Variants in CNTN1 observed in about 807,000 individuals in gnomAD.
CNTN1 encodes contactin-1.
A neutral mutation model predicts 126.4 loss-of-function variants in CNTN1; 38 were observed. That is an observed-to-expected ratio of 0.30 (90% CI 0.23 to 0.39). The LOEUF (loss-of-function observed/expected upper bound fraction) is 0.39. Ranked by LOEUF, CNTN1 falls within the 10% of genes least tolerant of loss-of-function variation. CNTN1 has a pLI of 1.00. For synonymous variants in CNTN1, 413 were observed against 422.6 expected, an observed-to-expected ratio of 0.98 and a Z score of 0.28; for missense variants, 1,009 against 1,248.4, an observed-to-expected ratio of 0.81 and a Z score of 2.89.
At chr12:41,042,199 G>A (rs1450788058) in intron 23 of CNTN1, among the ~76,000 whole-genome samples, 3 of 152,052 alleles carry the variant, frequency 2.0e-5, no homozygotes, top group Non-Finnish European at 4.4e-5. Flanking sequence ...GGAGCAGGTT[G>A]TTCAGTTTCC....
intron 1 of CNTN1, among the ~76,000 whole-genome samples, chr12:40,866,555 A>G (rs888206041): frequency 1.3e-5 from 2 of 152,080 alleles, no homozygotes; most frequent in African/African-American, 4.8e-5. Context: ...TTCTACATCT[A>G]TGCAGGGTGA....
Position 41,016,402 on chromosome 12 carries a change from A to G in CNTN1, c.2185-280A>G, listed in dbSNP as rs376370870. Reference sequence around the variant, plus strand: ...AGTGAGGGGGTGGGAGGAGTCACATAACATCTAGGAGAACATTCTAGGCAG... The same window carrying G: ...AGTGAGGGGGTGGGAGGAGTCACATGACATCTAGGAGAACATTCTAGGCAG... On this transcript the variant is annotated intron_variant, in intron 18 of 23. Transcript: ENST00000551295. Among the ~76,000 whole-genome samples the G allele has an allele frequency of 2.6e-5, 4 of 152,124 alleles. No homozygotes were observed. In the East Asian group the frequency reaches 7.7e-4, roughly 29 times the overall value.
At chr12:40,946,664 T>C (rs1249630456) in intron 14 of CNTN1, among the ~76,000 whole-genome samples, 1 of 152,126 alleles carries the variant, frequency 6.6e-6, no homozygotes, top group Non-Finnish European at 1.5e-5. Flanking sequence ...AAGTTCTGAC[T>C]AATAATAAAA....
At chr12:40,721,976 A>T (rs1942229530) in intron 1 of CNTN1, among the ~76,000 whole-genome samples, 1 of 150,970 alleles carries the variant, frequency 6.6e-6, no homozygotes, top group South Asian at 2.1e-4. Context: ...GTTGGTTCCA[A>T]GTCTTTGCTA....
intron 17 of CNTN1, among the ~76,000 whole-genome samples, chr12:41,007,956 C>T (rs1948543770): frequency 1.3e-5 from 2 of 152,184 alleles, no homozygotes; most frequent in African/African-American, 4.8e-5. Flanking sequence ...AAAAGCAAAG[C>T]CTTACCAAGG....
chr12:41,070,055 G>A lies in CNTN1; in HGVS notation c.*20G>A. The A allele has an allele frequency of 6.2e-7, 1 of 1,609,576 alleles. No individual in the cohort carries two copies. Among genetic ancestry groups the A allele is most frequent in the Non-Finnish European group, 8.5e-7 (1 of 1,176,130 alleles). On this transcript the variant is annotated 3_prime_UTR_variant, in exon 24 of 24. Coordinates refer to ENST00000551295, the MANE Select transcript of CNTN1 (RefSeq NM_001843.4). ...TTCTGAATGTGTTGTGACAGCTGCT[G>A]TTCCCATCCCAGCTCAGAAGACACC...
At chr12:40,764,877 AC>A (rs1735649624) in intron 1 of CNTN1, among the ~76,000 whole-genome samples, 1 of 152,154 alleles carries the variant, frequency 6.6e-6, no homozygotes. Context: ...TGCTTAATTT[AC>A]CAACATTTGG....
chr12:40,835,645 A>G (rs1391802165), intron 1 of CNTN1, among the ~76,000 whole-genome samples: 1 of 152,146 alleles, frequency 6.6e-6, no homozygotes, highest in Non-Finnish European at 1.5e-5. Flanking sequence ...TCAATCCCAC[A>G]CACAGAATCA....
intron 1 of CNTN1, among the ~76,000 whole-genome samples, chr12:40,869,051 A>C (rs565690424): frequency 1.3e-5 from 2 of 151,896 alleles, no homozygotes; most frequent in Admixed American, 1.3e-4. Context: ...ATTGAAAAAA[A>C]ATTTTATGAT....
rs545728246 is a variant in CNTN1, at chr12:40,727,092, TA to T, written c.-77+34506del. On this transcript the variant is annotated intron_variant, in intron 1 of 23. Transcript: ENST00000551295. Reference sequence around the variant, plus strand: ...TATAATAATTAAAAATTTCTAATAATAAAAAAGAACATGAGGAAATATTTTT... The same window carrying T: ...TATAATAATTAAAAATTTCTAATAATAAAAAGAACATGAGGAAATATTTTT... Among the ~76,000 whole-genome samples, 224 of 148,840 alleles carry T rather than the reference TA, an allele frequency of 1.5e-3. 2 individuals carry two copies. Among genetic ancestry groups the T allele is most frequent in the Admixed American group, 0.013 (197 of 14,958 alleles).
At chr12:41,046,565 C>T (rs1949543919) in intron 23 of CNTN1, among the ~76,000 whole-genome samples, 1 of 151,880 alleles carries the variant, frequency 6.6e-6, no homozygotes. Context: ...TTAAAAAACT[C>T]TATGTATTAT....
intron 1 of CNTN1, among the ~76,000 whole-genome samples, chr12:40,812,861 T>A (rs11178509): frequency 0.56 from 84,916 of 151,436 alleles, 24,240 homozygotes; most frequent in East Asian, 0.77. Flanking sequence ...TAAGCTACTC[T>A]GTATCTTTTG....
At position 40,993,372 on chromosome 12, in the gene CNTN1, A is replaced by G. The variant is rs149287594; in HGVS notation, c.2113+103A>G. The stretch of plus-strand genomic sequence containing the variant: ...TGAAAATAATGCTCTGAGGTAAGTG[A>G]TTCATCTGAAAAGCATGTGTGTGTA... On this transcript the variant is annotated intron_variant, in intron 17 of 23. Coordinates refer to ENST00000551295, the MANE Select transcript of CNTN1 (RefSeq NM_001843.4). 5.7e-3 allele frequency: 5,526 copies of G among 963,466 alleles called. 39 individuals are homozygous for G. Among genetic ancestry groups the G allele is most frequent in the Middle Eastern group, 0.036 (123 of 3,420 alleles). The allele number at this position is 963,466 out of a possible 1,614,324, so 59.7% of individuals were successfully genotyped here.
chr12:41,024,978 C>T (rs1007266291), intron 20 of CNTN1, among the ~76,000 whole-genome samples, 172 bp from the exon 21 acceptor site: 3 of 151,656 alleles, frequency 2.0e-5, no homozygotes, highest in Non-Finnish European at 2.9e-5. Context: ...TCATTCCTGC[C>T]CTGTATGCTT....
intron 1 of CNTN1, among the ~76,000 whole-genome samples, chr12:40,866,404 G>A (rs1943301425): frequency 6.6e-6 from 1 of 152,132 alleles, no homozygotes; most frequent in Admixed American, 6.6e-5. Flanking sequence ...TATGGGAAAA[G>A]TATTCAGCAA....
At chr12:40,817,475 CTTTTTTT>C (rs758574869) in intron 1 of CNTN1, among the ~76,000 whole-genome samples, 1 of 40,730 alleles carries the variant, frequency 2.5e-5, no homozygotes, top group East Asian at 7.4e-4. Flanking sequence ...GCAACCCCTG[CTTTTTTT>C]TTTTTTTTTT....
At chr12:40,778,213 T>A (rs1469430848) in intron 1 of CNTN1, among the ~76,000 whole-genome samples, 3 of 151,878 alleles carry the variant, frequency 2.0e-5, no homozygotes, top group Non-Finnish European at 1.5e-5. Context: ...TATCTTGGCT[T>A]CACCATTTCC....
chr12:40,746,689 C>T (rs1476567606), intron 1 of CNTN1, among the ~76,000 whole-genome samples: 1 of 152,012 alleles, frequency 6.6e-6, no homozygotes, highest in Non-Finnish European at 1.5e-5. Context: ...GGTCTGCTAA[C>T]ACTTGGGAGA....
intron 3 of CNTN1, among the ~76,000 whole-genome samples, chr12:40,914,522 G>C (rs1370633271): frequency 6.6e-6 from 1 of 152,102 alleles, no homozygotes; most frequent in East Asian, 1.9e-4. Flanking sequence ...GGCTTGAAAA[G>C]TTTAGAAAGC....
Sources: allele counts gnomAD v4.1 joint callset (sites outside exome capture counted in the v4.1 genomes callset), GRCh38; gene constraint gnomAD v4.1.1; transcripts MANE v1.5; gene names NCBI Gene and HGNC (gene_info 2026-07-23, HGNC 2026-07-21).